ERAP1: variants seen among roughly 807,000 people sequenced by gnomAD.
The protein encoded by ERAP1 is endoplasmic reticulum aminopeptidase 1.
A neutral mutation model predicts 103.7 loss-of-function variants in ERAP1; 86 were observed. The observed-to-expected ratio is 0.83, with a 90% CI of 0.70 to 0.99. The LOEUF is 0.99. Among genes scored for constraint, ERAP1 ranks in the 50% least tolerant of loss-of-function variants. The pLI is 0.00. For missense variants in ERAP1, 1,009 were observed against 1,128.4 expected (o/e 0.89, Z 1.52); for synonymous variants, 398 against 402.4 (o/e 0.99, Z 0.13).
intron 18 of ERAP1, 169 bp from the exon 19 acceptor site, chr5:96,776,720 A>G: frequency 1.2e-6 from 1 of 855,444 alleles, no homozygotes; most frequent in Non-Finnish European, 1.7e-6. Flanking sequence ...AAATGAGCTC[A>G]TGCCTCATGA....
chr5:96,871,071 A>G, the ERAP1 span, among the ~76,000 whole-genome samples: 2 of 152,102 alleles, frequency 1.3e-5, no homozygotes, highest in Admixed American at 1.3e-4. Flanking sequence ...CTGCCCTCCC[A>G]CACACCGTTC....
Position 96,775,999 on chromosome 5 carries a change from C to G in ERAP1, c.*397G>C, listed in dbSNP as rs1280952352. On this transcript the variant is annotated 3_prime_UTR_variant, in exon 19 of 19. Coordinates refer to ENST00000443439, the MANE Select transcript of ERAP1 (RefSeq NM_001040458.3). ...TCATCGTCCGGCTTAGTCTCAGATC[C>G]AGGTGTTCATTGTTCAGTAGTCGAC... The G allele has an allele frequency of 9.2e-7, 1 of 1,082,692 alleles. No homozygotes were observed. Among genetic ancestry groups the G allele is most frequent in the African/African-American group, 1.7e-5 (1 of 59,818 alleles). The allele number at this position is 1,082,692 out of a possible 1,614,324, so 67.1% of individuals were successfully genotyped here.
Position 96,776,016 on chromosome 5 carries a change from G to A in ERAP1, c.*380C>T. 8.8e-7 allele frequency: 1 copy of A among 1,130,296 alleles called. No homozygotes were observed. Among genetic ancestry groups the A allele is most frequent in the African/African-American group, 1.6e-5 (1 of 61,498 alleles). 70.0% of individuals were successfully genotyped at this position (1,130,296 alleles called of 1,614,324 possible). A position where few individuals can be genotyped will look rare whatever the true frequency, so the allele number is the denominator to read the frequency against. ...CTCAGATCCAGGTGTTCATTGTTCA[G>A]TAGTCGACTATTCAGAGTCTTTCGA... On this transcript the variant is annotated 3_prime_UTR_variant, in exon 19 of 19. Transcript: ENST00000443439.
chr5:96,781,544 T>C, intron 16 of ERAP1, 149 bp downstream of exon 16: 1 of 998,840 alleles, frequency 1.0e-6, no homozygotes, highest in Non-Finnish European at 1.6e-6. Flanking sequence ...CCTAATTATT[T>C]GCCTTTCTCA....
At chr5:96,910,450 T>C in the ERAP1 span, among the ~76,000 whole-genome samples, 1 of 149,834 alleles carries the variant, frequency 6.7e-6, no homozygotes, top group Non-Finnish European at 1.5e-5. Context: ...GAAATCAGTT[T>C]TAGAAAAAAA....
chr5:96,805,306 C>G (rs7721279), intron 1 of ERAP1, among the ~76,000 whole-genome samples: 1 of 149,510 alleles, frequency 6.7e-6, no homozygotes, highest in Non-Finnish European at 1.5e-5. Context: ...GTGATAAGAT[C>G]GGGGTATGGT....
At chr5:96,786,615 C>G in intron 11 of ERAP1, 66 bp from the exon 12 acceptor site, 1 of 1,054,404 alleles carries the variant, frequency 9.5e-7, no homozygotes. Context: ...ATTAAATCAC[C>G]TATCATGTGC....
chr5:96,925,096 G>A, the ERAP1 span, among the ~76,000 whole-genome samples: 2 of 152,148 alleles, frequency 1.3e-5, no homozygotes, highest in African/African-American at 4.8e-5. Context: ...TAAATGATCA[G>A]ATTGGAATAT....
intron 15 of ERAP1, 87 bp from the exon 16 acceptor site, chr5:96,781,941 CT>C: frequency 7.8e-7 from 1 of 1,284,502 alleles, no homozygotes; most frequent in East Asian, 2.3e-5. Context: ...AACTGCTGAA[CT>C]TTCCCCATGA....
At chr5:96,804,365 T>C (rs1203710288) in intron 1 of ERAP1, 1 of 299,580 alleles carries the variant, frequency 3.3e-6, no homozygotes, top group Admixed American at 5.0e-5. Context: ...CAGAGGAACA[T>C]CTGATCAAGC....
intron 1 of ERAP1, among the ~76,000 whole-genome samples, chr5:96,806,623 CTTTTTTTTTTT>C (rs75649816): frequency 0.021 from 2,677 of 128,066 alleles, 75 homozygotes; most frequent in African/African-American, 0.074. Context: ...CAAGATCCCT[CTTTTTTTTTTT>C]TTTTTTTTTT....
chr5:96,766,726 C>T (rs1289556836), intron 19 of ERAP1, among the ~76,000 whole-genome samples: 1 of 152,216 alleles, frequency 6.6e-6, no homozygotes, highest in Non-Finnish European at 1.5e-5. Context: ...TGTCCCCCAC[C>T]TCTTTCCTAT....
chr5:96,841,961 C>A, the ERAP1 span, among the ~76,000 whole-genome samples: 7 of 151,970 alleles, frequency 4.6e-5, no homozygotes, highest in African/African-American at 1.5e-4. Flanking sequence ...TCCAGAGTTC[C>A]CAAAGCTTAT....
chr5:96,784,709 CTT>C (rs1775757030), intron 13 of ERAP1: 1 of 153,510 alleles, frequency 6.5e-6, no homozygotes. Context: ...ATCAAAGACC[CTT>C]TAGGAAGCCT....
the ERAP1 span, among the ~76,000 whole-genome samples, chr5:96,930,200 T>C: frequency 2.0e-5 from 3 of 152,186 alleles, no homozygotes; most frequent in African/African-American, 7.2e-5. Flanking sequence ...CCACCTGATA[T>C]TGCCTCTAGT....
At chr5:96,761,299 T>C (rs1767862325) in exon 20 of ERAP1, 1 of 152,272 alleles carries the variant, frequency 6.6e-6, no homozygotes, top group Non-Finnish European at 1.5e-5. Flanking sequence ...TGTTATTCTT[T>C]TCATTTGTCA....
chr5:96,804,035 A>G lies in ERAP1; in HGVS notation c.-17-92T>C, dbSNP rs1581639396. The G allele has an allele frequency of 4.3e-6, 6 of 1,403,464 alleles. No individual in the cohort carries two copies. In the East Asian group the frequency reaches 1.4e-4, roughly 32 times the overall value. The allele number at this position is 1,403,464 out of a possible 1,614,324, so 86.9% of individuals were successfully genotyped here. A position where few individuals can be genotyped will look rare whatever the true frequency, so the allele number is the denominator to read the frequency against. On this transcript the variant is annotated intron_variant, in intron 1 of 18. Transcript: ENST00000443439. ...CAGAATGTATCCACCCAGCATTCAC[A>G]GAAATAGGCATAAACTTCCAAAAGT...
chr5:96,908,961 T>A, the ERAP1 span: 1 of 1,613,852 alleles, frequency 6.2e-7, no homozygotes. Flanking sequence ...TATACTTCAG[T>A]GCAGGGAGAC....
chr5:96,891,135 A>C, the ERAP1 span, among the ~76,000 whole-genome samples: 1 of 152,140 alleles, frequency 6.6e-6, no homozygotes, highest in African/African-American at 2.4e-5. Flanking sequence ...AATGTACTAG[A>C]ATTAACCAGT....
Sources: allele counts gnomAD v4.1 joint callset (sites outside exome capture counted in the v4.1 genomes callset), GRCh38; gene constraint gnomAD v4.1.1; transcripts MANE v1.5; gene names NCBI Gene and HGNC (gene_info 2026-07-23, HGNC 2026-07-21).